Variants in XRN1 observed in about 807,000 individuals in gnomAD.
XRN1 encodes the protein 5'-3' exoribonuclease 1, also known as strand-exchange protein 1 homolog.
A neutral mutation model predicts 222.3 loss-of-function variants in XRN1; 67 were observed. The ratio of observed to expected loss-of-function variants is 0.30; its 90% confidence interval spans 0.25 to 0.37. The LOEUF (loss-of-function observed/expected upper bound fraction) is 0.37, where lower values mean the gene tolerates loss of function less well. Ranked by LOEUF, XRN1 falls within the 10% of genes least tolerant of loss-of-function variation. XRN1 has a pLI of 1.00. For missense variants in XRN1, 1,707 were observed against 2,000.2 expected, an observed-to-expected ratio of 0.85 and a Z score of 2.80; for synonymous variants, 643 against 652.4, an observed-to-expected ratio of 0.99 and a Z score of 0.22.
In XRN1 at chr3:142,311,452, T is replaced by C. The variant is rs2065072582; in HGVS notation, c.*59A>G. Reference sequence around the variant, plus strand: ...TTCTAATTTTTATGAGACATAGATATGTATTTATAAAAAGGTAGATGGAAA... The same window carrying C: ...TTCTAATTTTTATGAGACATAGATACGTATTTATAAAAAGGTAGATGGAAA... On this transcript the variant is annotated 3_prime_UTR_variant, in exon 41 of 41. Coordinates refer to ENST00000392981, the MANE Select transcript of XRN1 (RefSeq NM_001282857.2). The C allele has an allele frequency of 2.1e-6, 3 of 1,399,436 alleles. No individual in the cohort carries two copies. Among genetic ancestry groups the C allele is most frequent in the East Asian group, 4.6e-5 (2 of 43,546 alleles). The allele number at this position is 1,399,436 out of a possible 1,614,324, so 86.7% of individuals were successfully genotyped here.
intron 10 of XRN1, among the ~76,000 whole-genome samples, 167 bp downstream of exon 10, chr3:142,420,849 G>A (rs2068998530): frequency 6.6e-6 from 1 of 151,940 alleles, no homozygotes; most frequent in South Asian, 2.1e-4. Flanking sequence ...TTAAATGACA[G>A]AAGCTAATAG....
chr3:142,391,742 A>AT (rs2067723077), intron 20 of XRN1, among the ~76,000 whole-genome samples: 2 of 74,806 alleles, frequency 2.7e-5, no homozygotes, highest in African/African-American at 7.3e-5. Context: ...TCACTAAAAA[A>AT]AAAAAAAATA....
At chr3:142,402,754 C>T (rs1393181285) in intron 18 of XRN1, among the ~76,000 whole-genome samples, 2 of 152,120 alleles carry the variant, frequency 1.3e-5, no homozygotes, top group East Asian at 3.9e-4. Flanking sequence ...TCCCCCTAAA[C>T]TATCAACTCC....
intron 33 of XRN1, among the ~76,000 whole-genome samples, chr3:142,340,407 T>C (rs1286608558): frequency 6.7e-6 from 1 of 149,212 alleles, no homozygotes; most frequent in Non-Finnish European, 1.5e-5. Flanking sequence ...TAAGAAAGAA[T>C]GAAGCACGTC....
At chr3:142,315,492 C>T (rs533611428) in intron 39 of XRN1, among the ~76,000 whole-genome samples, 1 of 150,310 alleles carries the variant, frequency 6.7e-6, no homozygotes, top group South Asian at 2.1e-4. Flanking sequence ...ATACATTGTA[C>T]TAAAAAAGAT....
chr3:142,343,068 A>G (rs1275161287), intron 33 of XRN1, among the ~76,000 whole-genome samples: 1 of 152,178 alleles, frequency 6.6e-6, no homozygotes, highest in East Asian at 1.9e-4. Context: ...AGCTCAAACA[A>G]CTTTCTAGGA....
chr3:142,423,498 T>C lies in XRN1; in HGVS notation c.710+62A>G, dbSNP rs2069120808. 7 of 1,333,880 alleles carry C rather than the reference T, an allele frequency of 5.2e-6. No homozygotes were observed. In the South Asian group the frequency reaches 1.0e-4, roughly 19 times the overall value. The allele number at this position is 1,333,880 out of a possible 1,614,324, so 82.6% of individuals were successfully genotyped here. On this transcript the variant is annotated intron_variant, in intron 6 of 40. Coordinates refer to ENST00000392981, the MANE Select transcript of XRN1 (RefSeq NM_001282857.2). ...GATAAAGTATTTACAAACATGTATCTGTTAAAGAATTACTATCCAGGCGTA... is the reference window on the plus strand; with the variant it reads ...GATAAAGTATTTACAAACATGTATCCGTTAAAGAATTACTATCCAGGCGTA...
chr3:142,415,032 AC>A (rs1363041170), intron 13 of XRN1, among the ~76,000 whole-genome samples: 1 of 152,196 alleles, frequency 6.6e-6, no homozygotes, highest in Non-Finnish European at 1.5e-5. Context: ...GTAAAAGCTC[AC>A]AAGGAGAGGA....
At chr3:142,339,822 A>G (rs2065942098) in intron 33 of XRN1, among the ~76,000 whole-genome samples, 2 of 152,158 alleles carry the variant, frequency 1.3e-5, no homozygotes, top group African/African-American at 4.8e-5. Flanking sequence ...AAACAAAAAC[A>G]AACAAACAAA....
chr3:142,429,791 G>A (rs890553831), intron 2 of XRN1: 12 of 152,162 alleles, frequency 7.9e-5, no homozygotes, highest in African/African-American at 2.9e-4. Flanking sequence ...CTCCATATAA[G>A]GTTTGGAAAG....
At chr3:142,413,013 A>G (rs2068646265) in intron 14 of XRN1, among the ~76,000 whole-genome samples, 1 of 152,204 alleles carries the variant, frequency 6.6e-6, no homozygotes, top group African/African-American at 2.4e-5. Context: ...TTCATCTAAA[A>G]GGCATCTAGT....
chr3:142,342,014 T>C (rs537613534), intron 33 of XRN1, among the ~76,000 whole-genome samples: 4 of 152,302 alleles, frequency 2.6e-5, no homozygotes, highest in South Asian at 2.1e-4. Flanking sequence ...ACTTTCAGCA[T>C]TGTACTGACT....
intron 20 of XRN1, among the ~76,000 whole-genome samples, chr3:142,392,916 G>T (rs2067786687): frequency 6.7e-6 from 1 of 149,148 alleles, no homozygotes; most frequent in Non-Finnish European, 1.5e-5. Context: ...TTCCACAATG[G>T]TTGAACTAGT....
At chr3:142,410,365 A>G (rs2068516069) in intron 15 of XRN1, among the ~76,000 whole-genome samples, 1 of 152,196 alleles carries the variant, frequency 6.6e-6, no homozygotes, top group Non-Finnish European at 1.5e-5. Context: ...GTGGAAAAAA[A>G]ACTGGATGTT....
intron 39 of XRN1, among the ~76,000 whole-genome samples, chr3:142,313,814 G>A (rs1369910895): frequency 2.0e-5 from 3 of 152,074 alleles, no homozygotes; most frequent in Non-Finnish European, 2.9e-5. Flanking sequence ...ATGGCACGTG[G>A]CTGTGGTCCC....
intron 39 of XRN1, among the ~76,000 whole-genome samples, chr3:142,316,808 T>C (rs2065222540): frequency 6.6e-6 from 1 of 152,170 alleles, no homozygotes; most frequent in Admixed American, 6.5e-5. Context: ...AGGCTCATGC[T>C]TGTAATCTCA....
chr3:142,383,459 T>C (rs1253678902), intron 21 of XRN1, 46 bp from the exon 22 acceptor site: 1 of 1,500,942 alleles, frequency 6.7e-7, no homozygotes, highest in East Asian at 2.3e-5. Context: ...TTTCTATAGA[T>C]TGCGTATCAA....
At chr3:142,412,789 G>T in intron 14 of XRN1, 126 bp from the exon 15 acceptor site, 7 of 732,914 alleles carry the variant, frequency 9.6e-6, no homozygotes, top group Non-Finnish European at 1.4e-5. Context: ...CTAAATTTTT[G>T]TACCTTTGAT....
At chr3:142,407,926 G>A (rs990328228) in intron 15 of XRN1, among the ~76,000 whole-genome samples, 5 of 152,190 alleles carry the variant, frequency 3.3e-5, no homozygotes, top group African/African-American at 1.2e-4. Context: ...TTCAATACAT[G>A]ATTGATATCT....
Sources: gnomAD v4.1 joint callset for allele counts (sites outside exome capture counted in the v4.1 genomes callset) on GRCh38, gnomAD v4.1.1 for gene constraint, MANE v1.5 for transcripts, NCBI Gene and HGNC (gene_info 2026-07-23, HGNC 2026-07-21) for gene names.